DISC1: variants seen among roughly 807,000 people sequenced by gnomAD.
The protein encoded by DISC1 is DISC1 scaffold protein, also known as disrupted in schizophrenia 1 protein.
DISC1 carries 57 observed loss-of-function variants against 84.5 expected under a neutral mutation model. The observed-to-expected ratio is 0.67, with a 90% CI of 0.55 to 0.84. DISC1 has a LOEUF of 0.84. Among genes scored for constraint, DISC1 ranks in the 40% least tolerant of loss-of-function variants. The probability of loss-of-function intolerance (pLI) is 0.00; values close to 1 mark genes in which losing one functional copy is unlikely to be tolerated. For missense variants in DISC1, 1,000 were observed against 1,057.8 expected (o/e 0.95, Z 0.76); for synonymous variants, 411 against 415.2 (o/e 0.99, Z 0.12).
intron 10 of DISC1, among the ~76,000 whole-genome samples, chr1:231,968,467 CT>C (rs2102804531): frequency 6.6e-6 from 1 of 151,970 alleles, no homozygotes; most frequent in South Asian, 2.1e-4. Context: ...TGAGGCATCA[CT>C]TTTAAAGCAA....
chr1:231,799,294 G>A (rs1466490349), intron 7 of DISC1, among the ~76,000 whole-genome samples: 1 of 152,052 alleles, frequency 6.6e-6, no homozygotes, highest in Non-Finnish European at 1.5e-5. Flanking sequence ...TGCCTTCAAA[G>A]TTTCCCTAAA....
intron 9 of DISC1, among the ~76,000 whole-genome samples, chr1:231,871,625 C>T (rs920258974): frequency 3.3e-5 from 5 of 152,174 alleles, no homozygotes; most frequent in Admixed American, 2.0e-4. Context: ...TGTTAATCTC[C>T]GCCTCTTTGT....
At chr1:231,730,298 C>T (rs1379624410) in intron 3 of DISC1, among the ~76,000 whole-genome samples, 5 of 152,124 alleles carry the variant, frequency 3.3e-5, no homozygotes, top group Admixed American at 2.0e-4. Flanking sequence ...TTCTAATGTC[C>T]AAAACCCACT....
intron 1 of DISC1, among the ~76,000 whole-genome samples, chr1:231,638,147 T>C (rs2059345674): frequency 6.6e-6 from 1 of 152,254 alleles, no homozygotes; most frequent in Non-Finnish European, 1.5e-5. Context: ...TTGAAAAATG[T>C]CTATTCATGT....
At position 231,795,125 on chromosome 1, in the gene DISC1, C is replaced by T. The variant is rs554924177; in HGVS notation, c.1635-117C>T. The T allele has an allele frequency of 2.3e-5, 22 of 968,306 alleles. No homozygotes were observed. In the East Asian group the frequency reaches 2.9e-4, roughly 13 times the overall value. The allele number at this position is 968,306 out of a possible 1,614,324, so 60.0% of individuals were successfully genotyped here. ...AGCCAATTTGGCATCATCTTTCCTC[C>T]TGCACTTCTTCGTCCATCAGACCAG... On this transcript the variant is annotated intron_variant, in intron 6 of 12. Coordinates refer to ENST00000439617, the MANE Select transcript of DISC1 (RefSeq NM_018662.3).
chr1:231,955,670 A>G (rs1227311104), intron 9 of DISC1, among the ~76,000 whole-genome samples: 1 of 151,830 alleles, frequency 6.6e-6, no homozygotes, highest in Non-Finnish European at 1.5e-5. Flanking sequence ...TTCTATTTTT[A>G]GTAGAGACGG....
At position 231,689,395 on chromosome 1, in the gene DISC1, G is replaced by A. The variant is rs187901162; in HGVS notation, c.68-4431G>A. The stretch of plus-strand genomic sequence containing the variant: ...CACCCAGACTGGAGTGCAGTGGTGT[G>A]GTCTCGGCTCACTGCAACCTCCGTC... On this transcript the variant is annotated intron_variant, in intron 1 of 12. Coordinates refer to ENST00000439617, the MANE Select transcript of DISC1 (RefSeq NM_018662.3). 2.6e-5 allele frequency among the ~76,000 whole-genome samples: 4 copies of A among 151,756 alleles called. No homozygotes were observed. The East Asian group carries it at 7.8e-4, about 30-fold the overall frequency.
intron 9 of DISC1, among the ~76,000 whole-genome samples, chr1:231,828,023 A>C (rs528075331): frequency 6.6e-6 from 1 of 152,222 alleles, no homozygotes; most frequent in Non-Finnish European, 1.5e-5. Flanking sequence ...TTAACAACTG[A>C]TGACACACTT....
chr1:232,025,847 C>T (rs1255140348), intron 11 of DISC1, among the ~76,000 whole-genome samples: 9 of 152,202 alleles, frequency 5.9e-5, no homozygotes, highest in South Asian at 2.1e-4. Context: ...CCGCCCGCTT[C>T]GGCCTCCCAA....
At chr1:231,772,872 A>G (rs2076659961) in intron 6 of DISC1, among the ~76,000 whole-genome samples, 1 of 152,134 alleles carries the variant, frequency 6.6e-6, no homozygotes, top group Non-Finnish European at 1.5e-5. Context: ...ATTTCCAGGC[A>G]GAACTCTCCA....
chr1:231,910,436 A>G (rs1267536254), intron 9 of DISC1, among the ~76,000 whole-genome samples: 3 of 152,194 alleles, frequency 2.0e-5, no homozygotes, highest in Non-Finnish European at 2.9e-5. Flanking sequence ...TTATGTACTC[A>G]GTAGTCATTC....
At chr1:231,869,543 T>C (rs769058753) in intron 9 of DISC1, among the ~76,000 whole-genome samples, 4 of 151,970 alleles carry the variant, frequency 2.6e-5, no homozygotes, top group Non-Finnish European at 5.9e-5. Context: ...CACTGGCATC[T>C]GCATCTGGTG....
At chr1:231,983,476 G>C (rs1344245294) in intron 10 of DISC1, among the ~76,000 whole-genome samples, 1 of 136,540 alleles carries the variant, frequency 7.3e-6, no homozygotes, top group Non-Finnish European at 1.6e-5. Flanking sequence ...GCAGGGTCTA[G>C]AGAAGCCATC....
intron 9 of DISC1, among the ~76,000 whole-genome samples, chr1:231,821,300 G>C (rs953925300): frequency 6.6e-6 from 1 of 152,126 alleles, no homozygotes; most frequent in African/African-American, 2.4e-5. Context: ...TGTCTTTCTT[G>C]GAAGGTGCTT....
At chr1:231,717,039 A>G (rs1292883163) in intron 3 of DISC1, among the ~76,000 whole-genome samples, 3 of 152,180 alleles carry the variant, frequency 2.0e-5, no homozygotes, top group Non-Finnish European at 1.5e-5. Flanking sequence ...TTCCAGATTT[A>G]GCAAGCTCTG....
intron 6 of DISC1, among the ~76,000 whole-genome samples, chr1:231,774,404 C>A (rs1345450156): frequency 6.6e-6 from 1 of 152,180 alleles, no homozygotes; most frequent in Non-Finnish European, 1.5e-5. Context: ...TATACAGGTG[C>A]CTGCAGCATG....
At chr1:231,779,811 G>A (rs935928504) in intron 6 of DISC1, among the ~76,000 whole-genome samples, 5 of 151,804 alleles carry the variant, frequency 3.3e-5, no homozygotes, top group Non-Finnish European at 7.4e-5. Context: ...CACCTGCCTC[G>A]GTCTCCCAAA....
At position 232,039,860 on chromosome 1, in the gene DISC1, A is replaced by G. The variant is rs1670708155; in HGVS notation, c.*3029A>G. 1 of 152,164 alleles carries G rather than the reference A, an allele frequency of 6.6e-6. No individual in the cohort carries two copies. The highest frequency in any genetic ancestry group is 1.5e-5 in the Non-Finnish European group (1 of 68,042). 9.4% of individuals were successfully genotyped at this position (152,164 alleles called of 1,614,324 possible). On this transcript the variant is annotated 3_prime_UTR_variant, in exon 13 of 13. Transcript: ENST00000439617. ...GATTTGACTGGGATGTTTTATGAGAATGTAAGTGTGATATTATACTGTCTG... is the reference window on the plus strand; with the variant it reads ...GATTTGACTGGGATGTTTTATGAGAGTGTAAGTGTGATATTATACTGTCTG...
chr1:231,742,724 A>G (rs143464055), intron 3 of DISC1, among the ~76,000 whole-genome samples: 116 of 152,240 alleles, frequency 7.6e-4, no homozygotes, highest in African/African-American at 2.7e-3. Context: ...CCTGGGCAAC[A>G]TAACAGGGCT....
Sources: allele counts gnomAD v4.1 joint callset (sites outside exome capture counted in the v4.1 genomes callset), GRCh38; gene constraint gnomAD v4.1.1; transcripts MANE v1.5; gene names NCBI Gene and HGNC (gene_info 2026-07-23, HGNC 2026-07-21).